MTTP: variants seen among roughly 807,000 people sequenced by gnomAD.
MTTP encodes the protein microsomal triglyceride transfer protein large subunit.
Under a neutral mutation model 90.6 loss-of-function variants are expected in MTTP, and 49 were observed. The observed-to-expected ratio is 0.54, with a 90% CI of 0.43 to 0.69. MTTP has a LOEUF of 0.69. Ranked by LOEUF, MTTP falls within the 30% of genes least tolerant of loss-of-function variation. The pLI is 0.00. For missense variants in MTTP, 945 were observed against 1,067.5 expected, an observed-to-expected ratio of 0.89 and a Z score of 1.60; for synonymous variants, 347 against 384.2, an observed-to-expected ratio of 0.90 and a Z score of 1.13.
intron 15 of MTTP, among the ~76,000 whole-genome samples, chr4:99,615,475 A>G (rs760538133): frequency 6.6e-6 from 1 of 152,226 alleles, no homozygotes; most frequent in Non-Finnish European, 1.5e-5. Flanking sequence ...GCTATTAAAC[A>G]TAGCCCAGTG....
chr4:99,594,753 C>A lies in MTTP; in HGVS notation c.779C>A (p.Thr260Lys). 6.2e-7 allele frequency: 1 copy of A among 1,613,976 alleles called. No individual in the cohort carries two copies. Among genetic ancestry groups the A allele is most frequent in the Non-Finnish European group, 8.5e-7 (1 of 1,179,890 alleles). The change falls in exon 7 of 18, where the codon ACA becomes AAA. Residue 260 changes from threonine to lysine, a missense_variant. Transcript: ENST00000265517. ...IVSKQKLELK[T>K]TEAGPRLMSG... is the part of the protein sequence containing the mutation. Reference sequence around the variant, plus strand: ...TGCAGGCAGAAATTAGAGCTGAAGACAACCGAAGCAGGCCCAAGATTGATG... The same window carrying A: ...TGCAGGCAGAAATTAGAGCTGAAGAAAACCGAAGCAGGCCCAAGATTGATG...
At chr4:99,601,762 C>G in intron 10 of MTTP, 48 bp downstream of exon 10, 1 of 1,345,066 alleles carries the variant, frequency 7.4e-7, no homozygotes, top group Non-Finnish European at 1.1e-6. Flanking sequence ...ACACCATTGT[C>G]CATTTGATAC....
chr4:99,612,859 T>G, intron 14 of MTTP, 54 bp from the exon 15 acceptor site: 1 of 1,513,666 alleles, frequency 6.6e-7, no homozygotes, highest in South Asian at 1.1e-5. Context: ...TTCACCATTA[T>G]TTACAGAGCA....
At chr4:99,610,813 A>G (rs772761047) in intron 12 of MTTP, among the ~76,000 whole-genome samples, 1 of 152,218 alleles carries the variant, frequency 6.6e-6, no homozygotes, top group East Asian at 1.9e-4. Context: ...CTTTAAGTGT[A>G]TGCACTATTA....
Position 99,597,153 on chromosome 4 carries a change from C to T in MTTP, c.996C>T (p.Phe332=). The T allele has an allele frequency of 1.9e-6, 3 of 1,614,034 alleles. No individual in the cohort carries two copies. The African/African-American group carries it at 4.0e-5, about 22-fold the overall frequency. Residue 332 remains phenylalanine (F), a synonymous_variant, in exon 8 of 18, where the codon TTC becomes TTT. Coordinates refer to ENST00000265517, the MANE Select transcript of MTTP (RefSeq NM_001386140.1). ...AGGCTGTCAGAAACTTCCTGGCCTT[C>T]ATTCAGCACCTCAGGACTGCGAAGA... ...KAEAVRNFLA[F]IQHLRTAKKE... is the part of the protein sequence containing the mutation.
upstream of MTTP, chr4:99,570,611 C>G (rs1393460160): frequency 1.6e-5 from 7 of 443,604 alleles, no homozygotes; most frequent in Non-Finnish European, 3.2e-5. Context: ...ATCTCCAGAA[C>G]CTGTGATAGT....
At chr4:99,585,631 C>A (rs1391866393) in intron 3 of MTTP, among the ~76,000 whole-genome samples, 1 of 152,082 alleles carries the variant, frequency 6.6e-6, no homozygotes, top group Non-Finnish European at 1.5e-5. Flanking sequence ...TTACTGACAA[C>A]CAATCATTTT....
At chr4:99,584,323 G>A (rs1257501455) in intron 3 of MTTP, 1 of 151,886 alleles carries the variant, frequency 6.6e-6, no homozygotes, top group Non-Finnish European at 1.5e-5. Flanking sequence ...AAAACAGAAA[G>A]GGAACATTGA....
intron 1 of MTTP, among the ~76,000 whole-genome samples, chr4:99,566,271 A>C (rs1228809512): frequency 6.9e-6 from 1 of 144,214 alleles, no homozygotes; most frequent in Non-Finnish European, 1.5e-5. Flanking sequence ...CCTGGGTGAC[A>C]GAGTGATACT....
At chr4:99,621,415 C>CA (rs71600263) in intron 17 of MTTP, among the ~76,000 whole-genome samples, 184 bp downstream of exon 17, 2,628 of 150,434 alleles carry the variant, frequency 0.017, 27 homozygotes, top group Admixed American at 0.041. Flanking sequence ...TCTGGGATAC[C>CA]AAAAAAAAAT....
Position 99,564,319 on chromosome 4 carries a change from T to C in MTTP, c.-102+82T>C. The C allele has an allele frequency of 2.9e-6, 4 of 1,362,410 alleles. No individual in the cohort carries two copies. In the South Asian group the frequency reaches 5.6e-5, roughly 19 times the overall value. The allele number at this position is 1,362,410 out of a possible 1,614,324, so 84.4% of individuals were successfully genotyped here. A position where few individuals can be genotyped will look rare whatever the true frequency, so the allele number is the denominator to read the frequency against. On this transcript the variant is annotated intron_variant, in intron 1 of 18. Transcript: ENST00000457717. The stretch of plus-strand genomic sequence containing the variant: ...AAGAAAGGCTCCTAATTTTTCTGTG[T>C]TGAAAATGAGAGAAAAACATCTCTT...
upstream of MTTP, among the ~76,000 whole-genome samples, chr4:99,570,033 G>A (rs546651409): frequency 7.8e-4 from 111 of 141,684 alleles, 2 homozygotes; most frequent in South Asian, 0.024. Flanking sequence ...TTTTTTTTTT[G>A]TGCACTTTAT....
intron 7 of MTTP, 88 bp from the exon 8 acceptor site, chr4:99,596,979 G>A: frequency 6.4e-7 from 1 of 1,570,026 alleles, no homozygotes; most frequent in Non-Finnish European, 8.7e-7. Context: ...AGACACAAGG[G>A]ACATTTTATT....
chr4:99,612,793 G>A, intron 14 of MTTP, 120 bp from the exon 15 acceptor site: 1 of 883,136 alleles, frequency 1.1e-6, no homozygotes, highest in South Asian at 1.4e-5. Context: ...GTTTTTAGCT[G>A]TTGCAAATAT....
At chr4:99,609,032 G>T in intron 12 of MTTP, 55 bp downstream of exon 12, 1 of 1,469,814 alleles carries the variant, frequency 6.8e-7, no homozygotes, top group South Asian at 1.1e-5. Context: ...GTGTGTTCAT[G>T]GGGTACCGAT....
chr4:99,581,857 A>G (rs749447977), intron 1 of MTTP, 48 bp from the exon 2 acceptor site: 85 of 1,588,106 alleles, frequency 5.4e-5, no homozygotes, highest in Middle Eastern at 1.7e-4. Flanking sequence ...GTGAGACAGC[A>G]TGTTCCCTTA....
intron 4 of MTTP, 69 bp downstream of exon 4, chr4:99,589,819 T>C (rs1725370926): frequency 6.4e-6 from 7 of 1,085,492 alleles, no homozygotes; most frequent in Non-Finnish European, 9.8e-6. Context: ...TTATACAATT[T>C]CAGTAGAAGA....
chr4:99,607,738 T>G (rs1368668017), intron 11 of MTTP, among the ~76,000 whole-genome samples: 1 of 152,234 alleles, frequency 6.6e-6, no homozygotes, highest in Non-Finnish European at 1.5e-5. Flanking sequence ...TGGCACGTTT[T>G]CTTCGATGCT....
chr4:99,621,826 T>C (rs1381690785), intron 17 of MTTP, among the ~76,000 whole-genome samples: 1 of 152,220 alleles, frequency 6.6e-6, no homozygotes, highest in Non-Finnish European at 1.5e-5. Flanking sequence ...GTCATTTGAA[T>C]TTTGTAACCA....
Sources: allele counts gnomAD v4.1 joint callset (sites outside exome capture counted in the v4.1 genomes callset), GRCh38; gene constraint gnomAD v4.1.1; transcripts MANE v1.5; gene names NCBI Gene and HGNC (gene_info 2026-07-23, HGNC 2026-07-21).